Variants in COP1 observed in about 807,000 individuals in gnomAD.
COP1 encodes the protein COP1 E3 ubiquitin ligase, also known as E3 ubiquitin-protein ligase COP1.
COP1 carries 24 observed loss-of-function variants against 101.3 expected under a neutral mutation model. The observed-to-expected ratio is 0.24, with a 90% CI of 0.17 to 0.33. The LOEUF (loss-of-function observed/expected upper bound fraction) is 0.33, where lower values mean the gene tolerates loss of function less well. COP1 is among the 10% of genes least tolerant of loss of function. The pLI is 1.00. For missense variants in COP1, 663 were observed against 906.2 expected, an observed-to-expected ratio of 0.73 and a Z score of 3.45; for synonymous variants, 347 against 341.9, an observed-to-expected ratio of 1.01 and a Z score of -0.17.
intron 9 of COP1, among the ~76,000 whole-genome samples, chr1:176,093,838 T>TCAAAACAAAACAAAACAAAA (rs537553723): frequency 6.7e-6 from 1 of 149,894 alleles, no homozygotes; most frequent in African/African-American, 2.5e-5. Context: ...AGACTCTGTC[T>TCAAAACAAAACAAAACAAAA]CAAAACAAAA....
At chr1:176,095,371 T>C (rs1329400909) in intron 9 of COP1, among the ~76,000 whole-genome samples, 1 of 152,210 alleles carries the variant, frequency 6.6e-6, no homozygotes, top group Non-Finnish European at 1.5e-5. Context: ...GACAAAGCTA[T>C]GTTCTTAAAA....
At chr1:176,151,289 GGAGAGAA>G (rs1692399639) in intron 5 of COP1, among the ~76,000 whole-genome samples, 2 of 128,600 alleles carry the variant, frequency 1.6e-5, no homozygotes, top group Non-Finnish European at 1.7e-5. Flanking sequence ...AAGGAAGGAA[GGAGAGAA>G]AGAAAGAAAG....
intron 1 of COP1, among the ~76,000 whole-genome samples, chr1:176,203,304 T>G (rs1249871910): frequency 6.6e-6 from 1 of 151,940 alleles, no homozygotes; most frequent in Non-Finnish European, 1.5e-5. Context: ...ACCACTGCAC[T>G]CCAGCCTGGG....
rs369024093 is a variant in COP1, at chr1:175,989,715, T to C, written c.1730-236A>G. On this transcript the variant is annotated intron_variant, in intron 15 of 19. Coordinates refer to ENST00000367669, the MANE Select transcript of COP1 (RefSeq NM_022457.7). Reference sequence around the variant, plus strand: ...ATCAATCTTTGTTTTAATGATGTCATGAAAAAAATGTTAATATAAACATTA... The same window carrying C: ...ATCAATCTTTGTTTTAATGATGTCACGAAAAAAATGTTAATATAAACATTA... Among the ~76,000 whole-genome samples, 129 of 152,242 alleles carry C rather than the reference T, an allele frequency of 8.5e-4. 1 individual carries two copies. In the South Asian group the frequency reaches 0.025, roughly 30 times the overall value.
At chr1:175,961,318 A>G (rs1300324304) in intron 18 of COP1, among the ~76,000 whole-genome samples, 3 of 152,204 alleles carry the variant, frequency 2.0e-5, no homozygotes, top group Non-Finnish European at 4.4e-5. Flanking sequence ...TGATTCACAG[A>G]GAGAATAACT....
intron 9 of COP1, among the ~76,000 whole-genome samples, chr1:176,088,265 GAA>G (rs1680599331): frequency 6.8e-6 from 1 of 147,552 alleles, no homozygotes; most frequent in Non-Finnish European, 1.5e-5. Flanking sequence ...AAAAAAAAAA[GAA>G]TGAGCTGCTG....
chr1:176,003,965 GATTCTTCCAACCCATGAGC>G (rs1662442085), intron 15 of COP1, among the ~76,000 whole-genome samples: 2 of 151,678 alleles, frequency 1.3e-5, no homozygotes, highest in Admixed American at 1.3e-4. Context: ...TCAGGATATT[GATTCTTCCAACCCATGAGC>G]ATGGAATGTT....
Position 175,947,114 on chromosome 1 carries a change from G to C in COP1, c.2178+81C>G. 4 of 963,052 alleles carry C rather than the reference G, an allele frequency of 4.2e-6. No homozygotes were observed. The South Asian group carries it at 5.3e-5, about 13-fold the overall frequency. The allele number at this position is 963,052 out of a possible 1,614,324, so 59.7% of individuals were successfully genotyped here. ...GATTTGGGATGATCTCTAAGGCTCA[G>C]TACAATGGTGTATTTCTATAATCCT... On this transcript the variant is annotated intron_variant, in intron 19 of 19. Transcript: ENST00000367669.
chr1:176,007,693 C>G (rs1181711635), intron 15 of COP1, among the ~76,000 whole-genome samples: 1 of 152,126 alleles, frequency 6.6e-6, no homozygotes, highest in Non-Finnish European at 1.5e-5. Flanking sequence ...AGGAGGCAGT[C>G]TGCCTGTTCT....
chr1:176,165,956 A>T (rs888838309), intron 3 of COP1, among the ~76,000 whole-genome samples: 1 of 152,324 alleles, frequency 6.6e-6, no homozygotes, highest in Admixed American at 6.5e-5. Flanking sequence ...GAATTTAACC[A>T]TTTGAAGAAA....
At chr1:176,034,988 A>G (rs1669235939) in intron 14 of COP1, among the ~76,000 whole-genome samples, 1 of 152,222 alleles carries the variant, frequency 6.6e-6, no homozygotes, top group African/African-American at 2.4e-5. Context: ...CAATTTAAAC[A>G]GGACCCAACA....
intron 10 of COP1, among the ~76,000 whole-genome samples, chr1:176,082,786 C>T (rs964321028): frequency 4.0e-5 from 6 of 148,680 alleles, no homozygotes; most frequent in African/African-American, 9.9e-5. Context: ...GCCTGGGCAA[C>T]GAGAGCAAAA....
Position 176,046,243 on chromosome 1 carries a change from G to A in COP1, c.1359C>T (p.Val453=), listed in dbSNP as rs1398381971. The A allele has an allele frequency of 1.2e-6, 2 of 1,606,498 alleles. No homozygotes were observed. The highest frequency in any genetic ancestry group is 2.2e-5 in the East Asian group (1 of 44,610). ...AATGAATATCCACTGCATCCTGGAT[G>A]ACAGTGTCATATTCATAGACTTTAA... ...KKIKVYEYDT[V]IQDAVDIHYP... Residue 453 remains valine (V), a synonymous_variant, in exon 12 of 20, where the codon GTC becomes GTT. Coordinates refer to ENST00000367669, the MANE Select transcript of COP1 (RefSeq NM_022457.7).
chr1:176,159,598 T>C (rs1020538856), intron 5 of COP1, among the ~76,000 whole-genome samples: 2 of 152,200 alleles, frequency 1.3e-5, no homozygotes, highest in Non-Finnish European at 2.9e-5. Flanking sequence ...GATATATTTC[T>C]GAAACAGATT....
At chr1:176,186,006 C>G (rs1698396018) in intron 1 of COP1, among the ~76,000 whole-genome samples, 1 of 151,922 alleles carries the variant, frequency 6.6e-6, no homozygotes. Context: ...GATATTACAA[C>G]ACAATGTGAA....
intron 11 of COP1, among the ~76,000 whole-genome samples, chr1:176,070,812 A>G (rs1185578219): frequency 6.6e-6 from 1 of 151,972 alleles, no homozygotes; most frequent in Non-Finnish European, 1.5e-5. Context: ...AGGCCTGGCT[A>G]ATTTTTGATT....
chr1:176,134,022 G>C (rs954721088), intron 8 of COP1: 1 of 367,644 alleles, frequency 2.7e-6, no homozygotes, highest in Non-Finnish European at 5.3e-6. Flanking sequence ...AACTCACAAG[G>C]ATTCTCCATA....
intron 18 of COP1, among the ~76,000 whole-genome samples, chr1:175,948,500 TAAG>T (rs1422564711): frequency 6.6e-6 from 1 of 152,206 alleles, no homozygotes; most frequent in Non-Finnish European, 1.5e-5. Context: ...AAAGCAATAA[TAAG>T]AACAAAGAAA....
intron 6 of COP1, among the ~76,000 whole-genome samples, chr1:176,139,243 C>A (rs2149759835): frequency 7.0e-6 from 1 of 142,068 alleles, no homozygotes; most frequent in Non-Finnish European, 1.5e-5. Context: ...TCACACCAGT[C>A]AGAATGGCAA....
Sources: allele counts gnomAD v4.1 joint callset (sites outside exome capture counted in the v4.1 genomes callset), GRCh38; gene constraint gnomAD v4.1.1; transcripts MANE v1.5; gene names NCBI Gene and HGNC (gene_info 2026-07-23, HGNC 2026-07-21).